The following DLG2 variants were observed in gnomAD, a reference collection of about 807,000 sequenced individuals.
DLG2 encodes disks large homolog 2.
In DLG2, 45 loss-of-function variants were observed where a neutral mutation model predicts 132.5. That is an observed-to-expected ratio of 0.34 (90% CI 0.27 to 0.44). The LOEUF (loss-of-function observed/expected upper bound fraction) is 0.44. DLG2 is among the 20% of genes least tolerant of loss of function. The pLI is 1.00. For missense variants in DLG2, 1,045 were observed against 1,196.9 expected, an observed-to-expected ratio of 0.87 and a Z score of 1.87; for synonymous variants, 424 against 419.6, an observed-to-expected ratio of 1.01 and a Z score of -0.13.
intron 6 of DLG2, among the ~76,000 whole-genome samples, chr11:84,846,240 T>C (rs534709164): frequency 1.3e-5 from 2 of 152,242 alleles, no homozygotes; most frequent in South Asian, 2.1e-4. Flanking sequence ...TGACTTGAAA[T>C]CTTCACTTAT....
At chr11:85,577,310 G>C (rs2078215534) in intron 3 of DLG2, among the ~76,000 whole-genome samples, 1 of 152,132 alleles carries the variant, frequency 6.6e-6, no homozygotes. Flanking sequence ...GCATGATGGA[G>C]ATAGTAAGAA....
intron 21 of DLG2, among the ~76,000 whole-genome samples, chr11:83,493,769 A>T (rs1331015060): frequency 1.3e-5 from 2 of 152,138 alleles, no homozygotes; most frequent in African/African-American, 2.4e-5. Context: ...GTGAATAAAC[A>T]AATCAATGAT....
chr11:83,928,822 C>T (rs2079535192), intron 15 of DLG2, among the ~76,000 whole-genome samples: 1 of 152,016 alleles, frequency 6.6e-6, no homozygotes, highest in Non-Finnish European at 1.5e-5. Context: ...TAACAAAATG[C>T]CTGGCACAGA....
At chr11:85,087,220 G>T (rs1238906825) in intron 6 of DLG2, among the ~76,000 whole-genome samples, 2 of 152,122 alleles carry the variant, frequency 1.3e-5, no homozygotes, top group African/African-American at 4.8e-5. Flanking sequence ...AGCAAATAAA[G>T]GTACAATTAC....
At chr11:85,576,493 A>G (rs2078164407) in intron 3 of DLG2, among the ~76,000 whole-genome samples, 1 of 152,198 alleles carries the variant, frequency 6.6e-6, no homozygotes, top group African/African-American at 2.4e-5. Flanking sequence ...TCCATTTTAA[A>G]TGGATTTTTT....
intron 6 of DLG2, among the ~76,000 whole-genome samples, chr11:85,011,007 C>G (rs1007682068): frequency 7.9e-5 from 12 of 152,162 alleles, no homozygotes; most frequent in African/African-American, 2.9e-4. Flanking sequence ...GAAAGAGATT[C>G]ATTATATAAA....
intron 3 of DLG2, among the ~76,000 whole-genome samples, chr11:85,520,010 C>T (rs2074155043): frequency 6.6e-6 from 1 of 151,970 alleles, no homozygotes; most frequent in Admixed American, 6.6e-5. Context: ...GTCTTATCAG[C>T]AGCATGAAAG....
At chr11:84,614,220 G>A (rs2099600210) in intron 6 of DLG2, among the ~76,000 whole-genome samples, 1 of 152,176 alleles carries the variant, frequency 6.6e-6, no homozygotes. Context: ...ACCAATAAGT[G>A]CTGTGTTGAT....
chr11:84,565,625 C>G (rs2099450759), intron 6 of DLG2, among the ~76,000 whole-genome samples: 1 of 152,088 alleles, frequency 6.6e-6, no homozygotes, highest in Non-Finnish European at 1.5e-5. Context: ...GTTCAAATGT[C>G]AGATTATAAG....
intron 22 of DLG2, among the ~76,000 whole-genome samples, chr11:83,475,964 G>A (rs1293881631): frequency 1.3e-5 from 2 of 152,110 alleles, no homozygotes; most frequent in Non-Finnish European, 2.9e-5. Flanking sequence ...CAGAGACTTC[G>A]CAGAGGGTTT....
At chr11:85,335,795 G>A (rs1159216716) in intron 3 of DLG2, among the ~76,000 whole-genome samples, 3 of 152,154 alleles carry the variant, frequency 2.0e-5, no homozygotes, top group Admixed American at 6.5e-5. Flanking sequence ...GGACCTATCA[G>A]GGGGTGGGGG....
At chr11:83,737,257 GA>G (rs1364090940) in intron 18 of DLG2, among the ~76,000 whole-genome samples, 1 of 152,170 alleles carries the variant, frequency 6.6e-6, no homozygotes, top group Non-Finnish European at 1.5e-5. Context: ...TCTTTTATCA[GA>G]TGAATTATTT....
At chr11:85,386,396 T>C (rs2086324311) in intron 3 of DLG2, among the ~76,000 whole-genome samples, 1 of 152,202 alleles carries the variant, frequency 6.6e-6, no homozygotes, top group African/African-American at 2.4e-5. Context: ...AGGATTTGAA[T>C]GTCGACACCC....
intron 11 of DLG2, among the ~76,000 whole-genome samples, chr11:84,002,226 G>A (rs1273770373): frequency 1.3e-5 from 2 of 152,212 alleles, no homozygotes; most frequent in Admixed American, 6.5e-5. Context: ...GAGGAGACAC[G>A]ACCATTGATA....
intron 22 of DLG2, among the ~76,000 whole-genome samples, chr11:83,473,112 G>T (rs980614319): frequency 6.6e-6 from 1 of 152,116 alleles, no homozygotes; most frequent in South Asian, 2.1e-4. Flanking sequence ...TTAGTTCAAG[G>T]AAAGGGTCCA....
chr11:84,305,765 A>G (rs907751504), intron 7 of DLG2, among the ~76,000 whole-genome samples: 1 of 152,146 alleles, frequency 6.6e-6, no homozygotes, highest in African/African-American at 2.4e-5. Context: ...CTTATGGGGA[A>G]GTGGAGTTTT....
intron 7 of DLG2, among the ~76,000 whole-genome samples, chr11:84,381,270 T>C (rs957306132): frequency 1.3e-5 from 2 of 152,064 alleles, no homozygotes; most frequent in Non-Finnish European, 2.9e-5. Flanking sequence ...TAGACCCAGA[T>C]AGTTTTACAG....
chr11:83,508,163 A>C (rs955960548), intron 21 of DLG2, among the ~76,000 whole-genome samples: 5 of 151,848 alleles, frequency 3.3e-5, no homozygotes, highest in African/African-American at 1.2e-4. Flanking sequence ...CTTCCATCCA[A>C]TCAAGTTGAT....
intron 14 of DLG2, among the ~76,000 whole-genome samples, chr11:83,944,446 A>T (rs968323976): frequency 1.3e-5 from 2 of 152,204 alleles, no homozygotes; most frequent in East Asian, 3.9e-4. Context: ...GAAGCCCAAG[A>T]AAGACAGCAT....
Sources: allele counts gnomAD v4.1 joint callset (sites outside exome capture counted in the v4.1 genomes callset), GRCh38; gene constraint gnomAD v4.1.1; transcripts MANE v1.5; gene names NCBI Gene and HGNC (gene_info 2026-07-23, HGNC 2026-07-21).